Variants in RRP7A observed in about 807,000 individuals in gnomAD.
RRP7A encodes ribosomal RNA processing 7 homolog A, also known as ribosomal RNA-processing protein 7 homolog A.
RRP7A carries 27 observed loss-of-function variants against 38.4 expected under a neutral mutation model. That is an observed-to-expected ratio of 0.70 (90% confidence interval 0.52 to 0.97). The LOEUF (loss-of-function observed/expected upper bound fraction) is 0.97, where lower values mean the gene tolerates loss of function less well. Among genes scored for constraint, RRP7A ranks in the 50% least tolerant of loss-of-function variants. RRP7A has a pLI of 0.00. For missense variants in RRP7A, 327 were observed against 375.4 expected (o/e 0.87, Z 1.07); for synonymous variants, 124 against 150.3 (o/e 0.83, Z 1.28).
At position 42,508,903 on chromosome 22, in the gene RRP7A, C is replaced by A. The variant is rs1253254904; in HGVS notation, c.*4007G>T. The A allele has an allele frequency of 4.5e-6, 6 of 1,327,488 alleles. No individual in the cohort carries two copies. In the East Asian group the frequency reaches 1.4e-4, roughly 32 times the overall value. 82.2% of individuals were successfully genotyped at this position (1,327,488 alleles called of 1,614,324 possible). On this transcript the variant is annotated 3_prime_UTR_variant, in exon 7 of 7. Coordinates refer to ENST00000323013, the MANE Select transcript of RRP7A (RefSeq NM_015703.5). ...AGGCAGTGATGTGGGGTCCTGGGCT[C>A]AGACCCAGGGTGGGTGGCTAAGGTG...
At chr22:42,517,808 C>A (rs184946436) in intron 2 of RRP7A, among the ~76,000 whole-genome samples, 197 bp downstream of exon 2, 1 of 152,348 alleles carries the variant, frequency 6.6e-6, no homozygotes, top group East Asian at 1.9e-4. Context: ...GCATGAGCCA[C>A]CGTGCCTGGC....
rs1427849137 is a variant in RRP7A, at chr22:42,510,528, C to T, written c.*2382G>A. ...GCTGTGGGAGTTGGGGTAGCCCAGG[C>T]TTTGGTTTCTCCTCAGAGGCCTGAA... On this transcript the variant is annotated 3_prime_UTR_variant, in exon 7 of 7. Transcript: ENST00000323013. 2 of 442,048 alleles carry T rather than the reference C, an allele frequency of 4.5e-6. No individual in the cohort carries two copies. Among genetic ancestry groups the T allele is most frequent in the African/African-American group, 2.0e-5 (1 of 48,834 alleles). The allele number at this position is 442,048 out of a possible 1,614,324, so 27.4% of individuals were successfully genotyped here.
In RRP7A at chr22:42,508,633, G is replaced by A. The variant is rs1412343362; in HGVS notation, c.*4277C>T. Among the ~76,000 whole-genome samples the A allele has an allele frequency of 2.6e-5, 4 of 152,184 alleles. No homozygotes were observed. The highest frequency in any genetic ancestry group is 9.7e-5 in the African/African-American group (4 of 41,430). ...CAAGAAGCCTGTCCCAGGCTGGCAG[G>A]GGACAGCGTGAGGTGCAGCCTATGG... is the stretch of plus-strand genomic sequence containing the variant. On this transcript the variant is annotated 3_prime_UTR_variant, in exon 7 of 7. Transcript: ENST00000323013.
At position 42,513,607 on chromosome 22, in the gene RRP7A, G is replaced by C. The variant is rs551731821; in HGVS notation, c.757+499C>G. ...CTGTAGACAGGGACACCAGGCAGTG[G>C]GGCAGGAGGCTCAGCCGCAGCACCA... On this transcript the variant is annotated intron_variant, in intron 6 of 6. Coordinates refer to ENST00000323013, the MANE Select transcript of RRP7A (RefSeq NM_015703.5). Among the ~76,000 whole-genome samples, 159 of 128,522 alleles carry C rather than the reference G, an allele frequency of 1.2e-3. 2 individuals carry two copies. The highest frequency in any genetic ancestry group is 4.4e-3 in the African/African-American group (155 of 34,964). The allele number at this position is 128,522 out of a possible 152,430, so 84.3% of individuals were successfully genotyped here.
In RRP7A at chr22:42,508,563, A is replaced by G. The variant is rs1190336770; in HGVS notation, c.*4347T>C. ...AGGAGGCTGGCTGGGGCCATCACGG[A>G]GTGCCCATCCTGCACTGTGGTCCCA... On this transcript the variant is annotated 3_prime_UTR_variant, in exon 7 of 7. Transcript: ENST00000323013. Among the ~76,000 whole-genome samples the G allele has an allele frequency of 6.6e-6, 1 of 152,124 alleles. No individual in the cohort carries two copies. Among genetic ancestry groups the G allele is most frequent in the Non-Finnish European group, 1.5e-5 (1 of 68,026 alleles).
At chr22:42,517,462 C>T (rs912184155) in intron 2 of RRP7A, among the ~76,000 whole-genome samples, 16 of 151,734 alleles carry the variant, frequency 1.1e-4, no homozygotes, top group East Asian at 7.7e-4. Context: ...GAAGAAAACA[C>T]GTAATTCAGA....
intron 1 of RRP7A, chr22:42,518,692 G>A: frequency 2.1e-6 from 1 of 470,810 alleles, no homozygotes; most frequent in Non-Finnish European, 4.4e-6. Flanking sequence ...AGATCCCACT[G>A]CCTGTGCCTT....
chr22:42,514,248 C>T lies in RRP7A; in HGVS notation c.615G>A (p.Lys205=). 1 of 1,605,460 alleles carries T rather than the reference C, an allele frequency of 6.2e-7. No homozygotes were observed. Among genetic ancestry groups the T allele is most frequent in the South Asian group, 1.1e-5 (1 of 90,666 alleles). Residue 205 remains lysine, a synonymous_variant, in exon 6 of 7, where the codon AAG becomes AAA. Coordinates refer to ENST00000323013, the MANE Select transcript of RRP7A (RefSeq NM_015703.5). ...EGVPDEEGWV[K]VTRRGRRPVL... ...CAGGCCGCCGGCCCCGGCGGGTCAC[C>T]TTCACCCAGCCCTCCTCGTCAGGGA...
chr22:42,518,694 C>T (rs1445325829), intron 1 of RRP7A: 2 of 470,792 alleles, frequency 4.2e-6, no homozygotes, highest in African/African-American at 2.0e-5. Context: ...ATCCCACTGC[C>T]TGTGCCTTCA....
In RRP7A at chr22:42,517,582, C is replaced by T. The variant is rs548652169; in HGVS notation, c.216+423G>A. ...TTGCCCAGGCTGGAGTGCAGTGGCG[C>T]GATCTTGGCTCACTGCAACCTACAC... is the stretch of plus-strand genomic sequence containing the variant. On this transcript the variant is annotated intron_variant, in intron 2 of 6. Coordinates refer to ENST00000323013, the MANE Select transcript of RRP7A (RefSeq NM_015703.5). Among the ~76,000 whole-genome samples, 37 of 152,064 alleles carry T rather than the reference C, an allele frequency of 2.4e-4. No individual in the cohort carries two copies. In the South Asian group the frequency reaches 5.4e-3, roughly 22 times the overall value.
Position 42,512,014 on chromosome 22 carries a change from C to G in RRP7A, c.*896G>C, listed in dbSNP as rs1258055899. 1.3e-5 allele frequency: 10 copies of G among 762,042 alleles called. No individual in the cohort carries two copies. The highest frequency in any genetic ancestry group is 1.2e-4 in the African/African-American group (7 of 57,988). The allele number at this position is 762,042 out of a possible 1,614,324, so 47.2% of individuals were successfully genotyped here. On this transcript the variant is annotated 3_prime_UTR_variant, in exon 7 of 7. Coordinates refer to ENST00000323013, the MANE Select transcript of RRP7A (RefSeq NM_015703.5). ...ACTCACTGTGGGAGGCGCTCCTGAC[C>G]TGCAGGGAGCTGGAATGCTGTGGGA...
rs562224172 is a variant in RRP7A, at chr22:42,513,438, G to A, written c.758-443C>T. On this transcript the variant is annotated intron_variant, in intron 6 of 6. Transcript: ENST00000323013. ...GAGGGGGAAGCTGAGGGTCTAGAGC[G>A]AGCACGAGCGGGAGCCAGGAGGGCC... Among the ~76,000 whole-genome samples the A allele has an allele frequency of 8.2e-4, 89 of 107,968 alleles. 1 individual carries two copies. The highest frequency in any genetic ancestry group is 3.8e-4 in the Non-Finnish European group (19 of 50,122). 70.8% of individuals were successfully genotyped at this position (107,968 alleles called of 152,430 possible). A position where few individuals can be genotyped will look rare whatever the true frequency, so the allele number is the denominator to read the frequency against.
Position 42,510,087 on chromosome 22 carries a change from C to A in RRP7A, c.*2823G>T, listed in dbSNP as rs183016472. 1.3e-5 allele frequency: 2 copies of A among 152,014 alleles called. No homozygotes were observed. Among genetic ancestry groups the A allele is most frequent in the Admixed American group, 6.6e-5 (1 of 15,216 alleles). 9.4% of individuals were successfully genotyped at this position (152,014 alleles called of 1,614,324 possible). Reference sequence around the variant, plus strand: ...TCACGCCATTCTCCTGCCTCAGCCTCCGGAGTAGCTGGGACTACAGGCACC... The same window carrying A: ...TCACGCCATTCTCCTGCCTCAGCCTACGGAGTAGCTGGGACTACAGGCACC... On this transcript the variant is annotated 3_prime_UTR_variant, in exon 7 of 7. Coordinates refer to ENST00000323013, the MANE Select transcript of RRP7A (RefSeq NM_015703.5).
rs1260309703 is a variant in RRP7A at position 42,508,419 on chromosome 22, T to A, written c.*4491A>T. Among the ~76,000 whole-genome samples the A allele has an allele frequency of 7.1e-6, 1 of 141,656 alleles. No homozygotes were observed. The highest frequency in any genetic ancestry group is 1.5e-5 in the Non-Finnish European group (1 of 65,472). The allele number at this position is 141,656 out of a possible 152,430, so 92.9% of individuals were successfully genotyped here. On this transcript the variant is annotated 3_prime_UTR_variant, in exon 7 of 7. Transcript: ENST00000323013. ...AACATAAAGCTTGATTGCATTATTT[T>A]GCATGCTGTTTTCCAAATCCAGCTT...
intron 1 of RRP7A, among the ~76,000 whole-genome samples, chr22:42,519,312 G>C (rs1243623016): frequency 3.3e-5 from 5 of 151,532 alleles, no homozygotes; most frequent in African/African-American, 1.2e-4. Context: ...GGGGCAAGAG[G>C]AGAAGGAGGG....
chr22:42,509,556 C>T lies in RRP7A; in HGVS notation c.*3354G>A, dbSNP rs562099797. On this transcript the variant is annotated 3_prime_UTR_variant, in exon 7 of 7. Coordinates refer to ENST00000323013, the MANE Select transcript of RRP7A (RefSeq NM_015703.5). ...CCATGTTGGCCAGGCTGCTCTCCAT[C>T]TCCTGACCTCATGATCCGCCTGCCT... Among the ~76,000 whole-genome samples the T allele has an allele frequency of 1.3e-5, 2 of 150,192 alleles. No homozygotes were observed. Among genetic ancestry groups the T allele is most frequent in the South Asian group, 2.1e-4 (1 of 4,820 alleles).
In RRP7A at chr22:42,510,858, C is replaced by G; in HGVS notation, c.*2052G>C. 9.4e-7 allele frequency: 1 copy of G among 1,067,654 alleles called. No individual in the cohort carries two copies. Among genetic ancestry groups the G allele is most frequent in the Non-Finnish European group, 1.2e-6 (1 of 843,490 alleles). The allele number at this position is 1,067,654 out of a possible 1,614,324, so 66.1% of individuals were successfully genotyped here. ...CCAACAAGTGACCACCAGGATCTAT[C>G]AGGCCTCATGCTCCAGTGATCAGTC... On this transcript the variant is annotated 3_prime_UTR_variant, in exon 7 of 7. Coordinates refer to ENST00000323013, the MANE Select transcript of RRP7A (RefSeq NM_015703.5).
rs1932380282 is a variant in RRP7A at position 42,509,606 on chromosome 22, G to C, written c.*3304C>G. ...TCGGCCTCCCAGTGTTGGGATTACA[G>C]GCGAGAGCCACCGTGCGTGGCCCAC... On this transcript the variant is annotated 3_prime_UTR_variant, in exon 7 of 7. Transcript: ENST00000323013. 6.6e-6 allele frequency among the ~76,000 whole-genome samples: 1 copy of C among 151,634 alleles called. No individual in the cohort carries two copies. Among genetic ancestry groups the C allele is most frequent in the African/African-American group, 2.4e-5 (1 of 41,318 alleles).
chr22:42,515,414 C>G (rs1464552956), intron 3 of RRP7A, 146 bp from the exon 4 acceptor site: 2 of 639,918 alleles, frequency 3.1e-6, no homozygotes, highest in Non-Finnish European at 5.6e-6. Flanking sequence ...CACAGGCCAT[C>G]CCATAATCCA....
Sources: allele counts gnomAD v4.1 joint callset (sites outside exome capture counted in the v4.1 genomes callset), GRCh38; gene constraint gnomAD v4.1.1; transcripts MANE v1.5; gene names NCBI Gene and HGNC (gene_info 2026-07-23, HGNC 2026-07-21).